EFNA5: variants seen among roughly 807,000 people sequenced by gnomAD.
EFNA5 encodes ephrin A5.
In EFNA5, 5 loss-of-function variants were observed where a neutral mutation model predicts 22.9. The ratio of observed to expected loss-of-function variants is 0.22; its 90% CI spans 0.11 to 0.46. EFNA5 has a LOEUF of 0.46. EFNA5 is among the 20% of genes least tolerant of loss of function. The pLI, the probability that EFNA5 is intolerant of heterozygous loss-of-function variation, is 0.99. For synonymous variants in EFNA5, 113 were observed against 112.2 expected (o/e 1.01, Z -0.04); for missense variants, 237 against 293.3 (o/e 0.81, Z 1.40).
intron 1 of EFNA5, among the ~76,000 whole-genome samples, chr5:107,463,219 A>T (rs1383290282): frequency 6.6e-6 from 1 of 152,170 alleles, no homozygotes; most frequent in Non-Finnish European, 1.5e-5. Flanking sequence ...TAAAATAAAT[A>T]TCATATCACT....
chr5:107,644,233 T>G (rs951082079), intron 1 of EFNA5, among the ~76,000 whole-genome samples: 2 of 152,146 alleles, frequency 1.3e-5, no homozygotes. Context: ...TCCGTCGTCG[T>G]CATCCTCCAT....
At chr5:107,617,582 G>A (rs1232691130) in intron 1 of EFNA5, among the ~76,000 whole-genome samples, 2 of 152,114 alleles carry the variant, frequency 1.3e-5, no homozygotes, top group African/African-American at 4.8e-5. Context: ...AAAATAGGAA[G>A]AAAAGAAAAT....
At chr5:107,611,867 A>C (rs1176301855) in intron 1 of EFNA5, among the ~76,000 whole-genome samples, 2 of 152,266 alleles carry the variant, frequency 1.3e-5, no homozygotes, top group Non-Finnish European at 2.9e-5. Context: ...GCACACTGTT[A>C]GCAGTGAAGG....
At chr5:107,497,166 G>A (rs1008268432) in intron 1 of EFNA5, among the ~76,000 whole-genome samples, 2 of 152,170 alleles carry the variant, frequency 1.3e-5, no homozygotes, top group Admixed American at 6.5e-5. Flanking sequence ...GCTATCTGTA[G>A]TAGTAGGTGA....
Position 107,387,237 on chromosome 5 carries a change from G to A in EFNA5, c.563C>T (p.Ala188Val). ...AGAGATTCTCTAAGCATACTAACCTGCTGGTTCTAATGAATTTTCTACTTT... is the reference window on the plus strand; with the variant it reads ...AGAGATTCTCTAAGCATACTAACCTACTGGTTCTAATGAATTTTCTACTTT... ...NDKVENSLEP[A>V]DDTVHESAEP... Residue 188 changes from alanine (A) to valine (V), a missense_variant and splice_region_variant, in exon 4 of 5, where the codon GCA (alanine) becomes GTA (valine). By Grantham distance (64) the Ala-to-Val change is moderately conservative. Transcript: ENST00000333274. The A allele has an allele frequency of 6.2e-7, 1 of 1,601,140 alleles. No homozygotes were observed. Among genetic ancestry groups the A allele is most frequent in the Non-Finnish European group, 8.5e-7 (1 of 1,171,220 alleles).
At chr5:107,396,684 T>C (rs931684146) in intron 2 of EFNA5, among the ~76,000 whole-genome samples, 1 of 152,168 alleles carries the variant, frequency 6.6e-6, no homozygotes, top group Non-Finnish European at 1.5e-5. Flanking sequence ...CTACCATAGT[T>C]TGACTTGTTA....
intron 1 of EFNA5, among the ~76,000 whole-genome samples, chr5:107,573,359 T>C (rs6881619): frequency 0.14 from 21,478 of 151,942 alleles, 2,343 homozygotes; most frequent in African/African-American, 0.31. Context: ...GAAGTGCCAG[T>C]GGAATATAGG....
intron 1 of EFNA5, among the ~76,000 whole-genome samples, chr5:107,448,754 C>T (rs990507999): frequency 2.0e-5 from 3 of 151,316 alleles, no homozygotes. Flanking sequence ...TGCTTGAACC[C>T]GGGAGATGGA....
chr5:107,525,832 A>C lies in EFNA5; in HGVS notation c.126-98323T>G, dbSNP rs72789665. ...GCACACAGTTTAACTTTTATTGAAA[A>C]AAATCCATGTGTAAATGAATTCCTG... On this transcript the variant is annotated intron_variant, in intron 1 of 4. Coordinates refer to ENST00000333274, the MANE Select transcript of EFNA5 (RefSeq NM_001962.3). 7.9e-3 allele frequency among the ~76,000 whole-genome samples: 1,200 copies of C among 152,292 alleles called. 9 individuals are homozygous for C. Among genetic ancestry groups the C allele is most frequent in the Non-Finnish European group, 0.013 (901 of 68,024 alleles).
At chr5:107,575,669 T>C (rs1242293055) in intron 1 of EFNA5, among the ~76,000 whole-genome samples, 1 of 152,148 alleles carries the variant, frequency 6.6e-6, no homozygotes, top group East Asian at 1.9e-4. Flanking sequence ...TGAAAACAAG[T>C]AGCACAGCAC....
At chr5:107,382,272 T>C (rs1470596759) in intron 4 of EFNA5, among the ~76,000 whole-genome samples, 1 of 152,236 alleles carries the variant, frequency 6.6e-6, no homozygotes, top group Non-Finnish European at 1.5e-5. Flanking sequence ...CAAAGAGAGG[T>C]TGGAGGCTTG....
chr5:107,569,515 ATGTGTGTATATATATT>A (rs1561435851), intron 1 of EFNA5, among the ~76,000 whole-genome samples: 1 of 135,506 alleles, frequency 7.4e-6, no homozygotes, highest in African/African-American at 2.8e-5. Context: ...ATATTTATAT[ATGTGTGTATATATATT>A]TATATATATA....
intron 1 of EFNA5, among the ~76,000 whole-genome samples, chr5:107,567,631 G>A (rs1748690709): frequency 6.6e-6 from 1 of 152,202 alleles, no homozygotes; most frequent in Non-Finnish European, 1.5e-5. Flanking sequence ...GAAGACAAAA[G>A]GCAGACATTC....
intron 1 of EFNA5, among the ~76,000 whole-genome samples, chr5:107,614,270 A>AC (rs886288230): frequency 9.2e-5 from 14 of 152,124 alleles, no homozygotes; most frequent in Non-Finnish European, 1.2e-4. Flanking sequence ...CTGAGAAAAA[A>AC]ATTAAAATTT....
rs111496171 is a variant in EFNA5 at position 107,437,442 on chromosome 5, G to A, written c.126-9933C>T. The stretch of plus-strand genomic sequence containing the variant: ...AGGCTAATACAAAGAAAAGAGCTCT[G>A]CAGTCATTAGAAACGAGGTGGTGAT... On this transcript the variant is annotated intron_variant, in intron 1 of 4. Coordinates refer to ENST00000333274, the MANE Select transcript of EFNA5 (RefSeq NM_001962.3). Among the ~76,000 whole-genome samples, 799 of 152,298 alleles carry A rather than the reference G, an allele frequency of 5.2e-3. 7 individuals carry two copies. The highest frequency in any genetic ancestry group is 0.018 in the African/African-American group (733 of 41,558).
intron 1 of EFNA5, among the ~76,000 whole-genome samples, chr5:107,503,805 G>A (rs1199386709): frequency 6.6e-6 from 1 of 151,936 alleles, no homozygotes; most frequent in Non-Finnish European, 1.5e-5. Flanking sequence ...CATTAAAAAG[G>A]CCATTAAAAA....
chr5:107,480,714 A>C (rs1750435280), intron 1 of EFNA5, among the ~76,000 whole-genome samples: 1 of 152,172 alleles, frequency 6.6e-6, no homozygotes, highest in Non-Finnish European at 1.5e-5. Context: ...GGATACACAG[A>C]AGCCAGGGAA....
intron 1 of EFNA5, among the ~76,000 whole-genome samples, chr5:107,565,156 A>G (rs1213038999): frequency 6.6e-6 from 1 of 152,216 alleles, no homozygotes; most frequent in Non-Finnish European, 1.5e-5. Context: ...CAGGGTGAGG[A>G]TGAAGAGAAT....
chr5:107,403,352 T>C (rs1447137798), intron 2 of EFNA5, among the ~76,000 whole-genome samples: 1 of 152,210 alleles, frequency 6.6e-6, no homozygotes, highest in Admixed American at 6.5e-5. Flanking sequence ...TTTCTGACTT[T>C]ATTAGCAGCC....
Sources: gnomAD v4.1 joint callset for allele counts (sites outside exome capture counted in the v4.1 genomes callset) on GRCh38, gnomAD v4.1.1 for gene constraint, MANE v1.5 for transcripts, NCBI Gene and HGNC (gene_info 2026-07-23, HGNC 2026-07-21) for gene names.